SMARCC1: variants seen among roughly 807,000 people sequenced by gnomAD.
SMARCC1 encodes SWI/SNF related BAF chromatin remodeling complex subunit C1.
SMARCC1 carries 43 observed loss-of-function variants against 147.4 expected under a neutral mutation model. The observed-to-expected ratio is 0.29, with a 90% confidence interval of 0.23 to 0.38. The LOEUF is 0.38. SMARCC1 is among the 10% of genes least tolerant of loss of function. The pLI is 1.00. For synonymous variants in SMARCC1, 495 were observed against 484.4 expected (o/e 1.02, Z -0.29); for missense variants, 1,119 against 1,381.1 (o/e 0.81, Z 3.01).
At chr3:47,701,147 C>G in intron 11 of SMARCC1, 131 bp downstream of exon 11, 1 of 641,036 alleles carries the variant, frequency 1.6e-6, no homozygotes, top group Non-Finnish European at 2.6e-6. Flanking sequence ...AAAAAGATAT[C>G]CATAAAAGGG....
chr3:47,709,061 G>A (rs2034052191), intron 9 of SMARCC1, among the ~76,000 whole-genome samples: 1 of 152,138 alleles, frequency 6.6e-6, no homozygotes, highest in Admixed American at 6.5e-5. Flanking sequence ...AGAAGTTCAA[G>A]ATCAGCCTGG....
intron 3 of SMARCC1, among the ~76,000 whole-genome samples, chr3:47,740,850 CAAAA>C (rs60339024): frequency 2.6e-5 from 2 of 77,878 alleles, no homozygotes; most frequent in Non-Finnish European, 5.9e-5. Context: ...GACTCTGACT[CAAAA>C]AAAAAAAAAA....
intron 10 of SMARCC1, 36 bp downstream of exon 10, chr3:47,706,373 G>GT: frequency 6.8e-7 from 1 of 1,479,390 alleles, no homozygotes; most frequent in Non-Finnish European, 9.0e-7. Flanking sequence ...CGTCCGGCCT[G>GT]TTTTAATGCC....
chr3:47,663,569 G>C, intron 19 of SMARCC1: 1 of 1,289,020 alleles, frequency 7.8e-7, no homozygotes, highest in Non-Finnish European at 1.1e-6. Flanking sequence ...AACACAGCAA[G>C]ACCCTGTCTT....
intron 5 of SMARCC1, among the ~76,000 whole-genome samples, chr3:47,729,578 G>A (rs11130147): frequency 0.6 from 91,574 of 151,884 alleles, 28,969 homozygotes; most frequent in East Asian, 0.72. Flanking sequence ...TAGAGATGGG[G>A]TTTCACCATG....
chr3:47,696,718 T>C (rs2033856919), intron 11 of SMARCC1, among the ~76,000 whole-genome samples: 1 of 152,026 alleles, frequency 6.6e-6, no homozygotes, highest in Non-Finnish European at 1.5e-5. Flanking sequence ...AGACAGGGTT[T>C]CTCCATGTTG....
At chr3:47,712,233 AAAAT>A (rs1325230485) in intron 8 of SMARCC1, among the ~76,000 whole-genome samples, 1 of 152,198 alleles carries the variant, frequency 6.6e-6, no homozygotes, top group African/African-American at 2.4e-5. Flanking sequence ...GTTCCGTCTC[AAAAT>A]AAATAACTAA....
intron 21 of SMARCC1, among the ~76,000 whole-genome samples, chr3:47,645,534 G>C (rs560946781): frequency 1.3e-5 from 2 of 152,266 alleles, no homozygotes; most frequent in East Asian, 3.9e-4. Context: ...GACAGAGTAA[G>C]ACCTTGTTTA....
intron 5 of SMARCC1, among the ~76,000 whole-genome samples, chr3:47,734,585 C>T (rs899418380): frequency 1.3e-4 from 20 of 152,262 alleles, no homozygotes; most frequent in Middle Eastern, 3.4e-3. Flanking sequence ...TTATCTTCTA[C>T]GTAAGTCTCC....
chr3:47,730,193 A>G (rs991321216), intron 5 of SMARCC1, among the ~76,000 whole-genome samples: 3 of 152,142 alleles, frequency 2.0e-5, no homozygotes, highest in African/African-American at 7.2e-5. Flanking sequence ...AAATAAAAAA[A>G]AAGTTACATT....
intron 24 of SMARCC1, among the ~76,000 whole-genome samples, chr3:47,628,692 G>A (rs1443947377): frequency 6.6e-6 from 1 of 152,126 alleles, no homozygotes; most frequent in African/African-American, 2.4e-5. Context: ...AGCCTCCCAA[G>A]TAACTGGGCC....
At chr3:47,705,973 C>CCAGG (rs2033988115) in intron 10 of SMARCC1, among the ~76,000 whole-genome samples, 1 of 152,116 alleles carries the variant, frequency 6.6e-6, no homozygotes, top group Admixed American at 6.5e-5. Flanking sequence ...TAGCCCTGAA[C>CCAGG]CAGGCGTTGT....
intron 22 of SMARCC1, among the ~76,000 whole-genome samples, chr3:47,636,786 ATATGTGTGTGTGTG>A (rs747032142): frequency 0.11 from 14,990 of 140,948 alleles, 963 homozygotes; most frequent in Non-Finnish European, 0.13. Context: ...CAAAATATAT[ATATGTGTGTGTGTG>A]TGTGTGTGTG....
chr3:47,713,275 G>A lies in SMARCC1; in HGVS notation c.792+1140C>T, dbSNP rs571872929. On this transcript the variant is annotated intron_variant, in intron 8 of 27. Transcript: ENST00000254480. ...GGAGCTTGCCGTAAGCCGAGATCGC[G>A]CCACTGCACTCCAGCCTGGGCGACA... Among the ~76,000 whole-genome samples the A allele has an allele frequency of 2.7e-3, 404 of 151,874 alleles. 2 individuals are homozygous for A. The highest frequency in any genetic ancestry group is 4.7e-3 in the Admixed American group (71 of 15,216).
chr3:47,707,482 A>G (rs1353873897), intron 9 of SMARCC1, among the ~76,000 whole-genome samples: 4 of 152,172 alleles, frequency 2.6e-5, no homozygotes, highest in Non-Finnish European at 5.9e-5. Flanking sequence ...GCAACTACCA[A>G]TTTAATAAAA....
intron 21 of SMARCC1, among the ~76,000 whole-genome samples, chr3:47,660,444 T>TA (rs71070206): frequency 0.05 from 3,360 of 67,158 alleles, 188 homozygotes; most frequent in African/African-American, 0.14. Flanking sequence ...AGACTCTGTC[T>TA]AAAAAAAAAA....
intron 26 of SMARCC1, among the ~76,000 whole-genome samples, chr3:47,600,998 TGAGAGAGAGAGAGAGAGAGAGAGAGA>T (rs66582985): frequency 1.5e-4 from 13 of 85,198 alleles, no homozygotes; most frequent in South Asian, 7.3e-4. Flanking sequence ...AGGAAGAAAA[TGAGAGAGAGAGAGAGAGAGAGAGAGA>T]GAGAGAGAGA....
chr3:47,726,677 T>C (rs2034303968), intron 6 of SMARCC1, among the ~76,000 whole-genome samples: 1 of 152,214 alleles, frequency 6.6e-6, no homozygotes, highest in South Asian at 2.1e-4. Context: ...GCACATGCTG[T>C]AACATGAATA....
intron 11 of SMARCC1, among the ~76,000 whole-genome samples, chr3:47,696,029 G>A (rs1453435842): frequency 4.6e-5 from 6 of 129,226 alleles, no homozygotes; most frequent in South Asian, 2.9e-4. Context: ...ATTATGCCAC[G>A]GCACTCCAGC....
Sources: allele counts gnomAD v4.1 joint callset (sites outside exome capture counted in the v4.1 genomes callset), GRCh38; gene constraint gnomAD v4.1.1; transcripts MANE v1.5; gene names NCBI Gene and HGNC (gene_info 2026-07-23, HGNC 2026-07-21).